ZMIZ1: variants seen among roughly 807,000 people sequenced by gnomAD.
ZMIZ1 encodes zinc finger MIZ domain-containing protein 1.
Under a neutral mutation model 113.9 loss-of-function variants are expected in ZMIZ1, and 17 were observed. The ratio of observed to expected loss-of-function variants is 0.15; its 90% CI spans 0.10 to 0.22. The LOEUF is 0.22. Among genes scored for constraint, ZMIZ1 ranks in the 10% least tolerant of loss-of-function variants. The pLI is 1.00. For synonymous variants in ZMIZ1, 607 were observed against 603.1 expected, an observed-to-expected ratio of 1.01 and a Z score of -0.09; for missense variants, 1,059 against 1,477.8, an observed-to-expected ratio of 0.72 and a Z score of 4.65.
intron 8 of ZMIZ1, among the ~76,000 whole-genome samples, chr10:79,289,213 G>A (rs1589572194): frequency 6.6e-6 from 1 of 152,226 alleles, no homozygotes; most frequent in Admixed American, 6.5e-5. Flanking sequence ...AGGTAGGCCT[G>A]TACCCACATT....
chr10:79,099,001 G>A (rs1360303520), intron 1 of ZMIZ1, among the ~76,000 whole-genome samples: 1 of 152,174 alleles, frequency 6.6e-6, no homozygotes, highest in Non-Finnish European at 1.5e-5. Context: ...GAGCCAAATG[G>A]GAACCATGTT....
intron 7 of ZMIZ1, among the ~76,000 whole-genome samples, chr10:79,252,512 C>T (rs1250238004): frequency 6.6e-6 from 1 of 152,074 alleles, no homozygotes; most frequent in Admixed American, 6.6e-5. Context: ...ATGACCTGGC[C>T]GAGACTCACT....
In ZMIZ1 at chr10:79,118,739, G is replaced by A. The variant is rs752038429; in HGVS notation, c.-336-176G>A. ...TTCGAATGTGACGTTCAGGAGCTGC[G>A]ACCTTTATTTGGCAGTGGCAGGACG... On this transcript the variant is annotated intron_variant, in intron 1 of 24. Coordinates refer to ENST00000334512, the MANE Select transcript of ZMIZ1 (RefSeq NM_020338.4). The surrounding 1 kb of genome is among the most constrained non-coding windows in gnomAD (Gnocchi z 4.1). 6.6e-6 allele frequency among the ~76,000 whole-genome samples: 1 copy of A among 152,198 alleles called. No homozygotes were observed. The highest frequency in any genetic ancestry group is 1.5e-5 in the Non-Finnish European group (1 of 68,038).
Position 79,314,513 on chromosome 10 carries a change from A to C in ZMIZ1, c.*1764A>C. On this transcript the variant is annotated 3_prime_UTR_variant, in exon 25 of 25. Coordinates refer to ENST00000334512, the MANE Select transcript of ZMIZ1 (RefSeq NM_020338.4). ...TCCCGTTGTCGAGGTTTTTTCAAATAGCGTGTTGTTCAGTATGCAAATCAA... is the reference window on the plus strand; with the variant it reads ...TCCCGTTGTCGAGGTTTTTTCAAATCGCGTGTTGTTCAGTATGCAAATCAA... 3.0e-6 allele frequency: 1 copy of C among 333,340 alleles called. No individual in the cohort carries two copies. Among genetic ancestry groups the C allele is most frequent in the South Asian group, 2.4e-5 (1 of 42,130 alleles). 20.6% of individuals were successfully genotyped at this position (333,340 alleles called of 1,614,324 possible).
intron 4 of ZMIZ1, among the ~76,000 whole-genome samples, chr10:79,196,621 C>T (rs1163732921): frequency 6.6e-6 from 1 of 152,244 alleles, no homozygotes; most frequent in Non-Finnish European, 1.5e-5. Context: ...TCCCAGTTTG[C>T]TGTTAACTTC....
chr10:79,198,603 G>A (rs1270807854), intron 4 of ZMIZ1, among the ~76,000 whole-genome samples: 1 of 152,114 alleles, frequency 6.6e-6, no homozygotes, highest in Non-Finnish European at 1.5e-5. Context: ...TCTTGCTGTA[G>A]AGCTCCAGAA....
intron 2 of ZMIZ1, among the ~76,000 whole-genome samples, chr10:79,128,491 T>C: frequency 6.6e-6 from 1 of 152,240 alleles, no homozygotes; most frequent in Non-Finnish European, 1.5e-5. Flanking sequence ...TGCAGTGTTG[T>C]TGCAGAATGA....
At chr10:79,081,563 C>T (rs1168240950) in intron 1 of ZMIZ1, among the ~76,000 whole-genome samples, 2 of 152,238 alleles carry the variant, frequency 1.3e-5, no homozygotes, top group Non-Finnish European at 2.9e-5. Flanking sequence ...TCGCCTGCCA[C>T]TGCAGCCAGA....
intron 7 of ZMIZ1, among the ~76,000 whole-genome samples, chr10:79,254,717 A>G (rs1163011696): frequency 1.3e-5 from 2 of 152,054 alleles, no homozygotes; most frequent in African/African-American, 4.8e-5. Context: ...GGCAAAACTG[A>G]GAAATTTGAA....
At chr10:79,220,012 G>C (rs1848898149) in intron 7 of ZMIZ1, among the ~76,000 whole-genome samples, 1 of 152,116 alleles carries the variant, frequency 6.6e-6, no homozygotes, top group African/African-American at 2.4e-5. Flanking sequence ...AGGGGTGAAG[G>C]ACCTGCCAGG....
intron 1 of ZMIZ1, among the ~76,000 whole-genome samples, chr10:79,115,564 C>T (rs1301515483): frequency 6.6e-6 from 1 of 152,230 alleles, no homozygotes; most frequent in Admixed American, 6.5e-5. Context: ...CTGCCTTGGC[C>T]TGTCAGGGAT....
At chr10:79,114,996 G>C (rs1376867387) in intron 1 of ZMIZ1, among the ~76,000 whole-genome samples, 1 of 152,198 alleles carries the variant, frequency 6.6e-6, no homozygotes, top group Non-Finnish European at 1.5e-5. Context: ...CTGTGTTCCA[G>C]ACCCATAGAC....
chr10:79,104,950 GGTGTGTGTGTGTGTGT>G (rs58453718), intron 1 of ZMIZ1, among the ~76,000 whole-genome samples: 42 of 140,188 alleles, frequency 3.0e-4, no homozygotes, highest in African/African-American at 6.1e-4. Flanking sequence ...GTTGTTGTGG[GGTGTGTGTGTGTGTGT>G]GTGTGTGTGT....
At chr10:79,153,622 C>A (rs1439705432) in intron 3 of ZMIZ1, among the ~76,000 whole-genome samples, 1 of 152,216 alleles carries the variant, frequency 6.6e-6, no homozygotes, top group African/African-American at 2.4e-5. Flanking sequence ...CTCCTGTTGC[C>A]TGGGCTCTGA....
intron 4 of ZMIZ1, among the ~76,000 whole-genome samples, chr10:79,186,227 G>A (rs896428772): frequency 1.3e-5 from 2 of 152,188 alleles, no homozygotes; most frequent in African/African-American, 4.8e-5. Context: ...TCTGTCCCAT[G>A]GTCTGTGCTC....
chr10:79,277,685 C>T (rs765671642), intron 8 of ZMIZ1, among the ~76,000 whole-genome samples: 1 of 152,154 alleles, frequency 6.6e-6, no homozygotes, highest in Non-Finnish European at 1.5e-5. Flanking sequence ...TTGGTGGTTC[C>T]AGCCAAGATG....
chr10:79,280,075 G>A (rs1056805651), intron 8 of ZMIZ1, among the ~76,000 whole-genome samples: 3 of 150,582 alleles, frequency 2.0e-5, no homozygotes, highest in African/African-American at 7.3e-5. Context: ...TGCAAGCTCC[G>A]CCCCTGGGCT....
chr10:79,158,760 G>A (rs779933), intron 3 of ZMIZ1, among the ~76,000 whole-genome samples: 55,100 of 152,082 alleles, frequency 0.36, 10,525 homozygotes, highest in Non-Finnish European at 0.43. Flanking sequence ...AGATATGATG[G>A]GGGGAACCCC....
At chr10:79,260,884 A>C (rs887503903) in intron 7 of ZMIZ1, among the ~76,000 whole-genome samples, 1 of 152,320 alleles carries the variant, frequency 6.6e-6, no homozygotes, top group East Asian at 1.9e-4. Context: ...CTCTCTGAAC[A>C]CTAGTTTCCT....
Sources: gnomAD v4.1 joint callset for allele counts (sites outside exome capture counted in the v4.1 genomes callset) on GRCh38, gnomAD v4.1.1 for gene constraint, Gnocchi (gnomAD v3.1) non-coding constraint, MANE v1.5 for transcripts, NCBI Gene and HGNC (gene_info 2026-07-23, HGNC 2026-07-21) for gene names.